RUNX1: variants seen among roughly 807,000 people sequenced by gnomAD.
The protein encoded by RUNX1 is runt-related transcription factor 1.
In RUNX1, 19 loss-of-function variants were observed where a neutral mutation model predicts 42.8. The ratio of observed to expected loss-of-function variants is 0.44; its 90% confidence interval spans 0.31 to 0.65. The LOEUF is 0.65. Among genes scored for constraint, RUNX1 ranks in the 30% least tolerant of loss-of-function variants. RUNX1 has a pLI of 0.07. For synonymous variants in RUNX1, 271 were observed against 289.4 expected, an observed-to-expected ratio of 0.94 and a Z score of 0.64; for missense variants, 528 against 672.0, an observed-to-expected ratio of 0.79 and a Z score of 2.37.
intron 7 of RUNX1, among the ~76,000 whole-genome samples, chr21:34,809,131 C>T (rs2056723862): frequency 6.6e-6 from 1 of 152,124 alleles, no homozygotes; most frequent in African/African-American, 2.4e-5. Flanking sequence ...CTTTCCAGGC[C>T]TGAAGGAGCT....
intron 5 of RUNX1, among the ~76,000 whole-genome samples, chr21:34,870,773 C>T (rs2057725284): frequency 6.6e-6 from 1 of 151,938 alleles, no homozygotes; most frequent in Admixed American, 6.6e-5. Context: ...TCCTGGCCAG[C>T]GTGATGAAAC....
At position 34,965,005 on chromosome 21, in the gene RUNX1, T is replaced by G. The variant is rs924717493; in HGVS notation, c.59-72042A>C. On this transcript the variant is annotated intron_variant, in intron 2 of 8. Coordinates refer to ENST00000675419, the MANE Select transcript of RUNX1 (RefSeq NM_001754.5). Reference sequence around the variant, plus strand: ...CCACACACAAGCACACTCACATACGTGCACACACCAATGTAGGCAGGGATG... The same window carrying G: ...CCACACACAAGCACACTCACATACGGGCACACACCAATGTAGGCAGGGATG... Among the ~76,000 whole-genome samples the G allele has an allele frequency of 3.3e-5, 5 of 152,014 alleles. 1 individual carries two copies. The South Asian group carries it at 1.0e-3, about 32-fold the overall frequency.
At chr21:35,020,816 T>C (rs986801488) in intron 2 of RUNX1, among the ~76,000 whole-genome samples, 7 of 152,230 alleles carry the variant, frequency 4.6e-5, no homozygotes, top group Non-Finnish European at 1.5e-5. Context: ...CTTTAAATAG[T>C]GTCTCATTTA....
At chr21:34,960,236 A>T (rs1267780409) in intron 2 of RUNX1, among the ~76,000 whole-genome samples, 3 of 152,102 alleles carry the variant, frequency 2.0e-5, no homozygotes, top group Non-Finnish European at 4.4e-5. Context: ...TGACTACAGA[A>T]ATGTCCTGGG....
intron 2 of RUNX1, among the ~76,000 whole-genome samples, chr21:35,037,844 A>G (rs1464796269): frequency 1.3e-5 from 2 of 152,206 alleles, no homozygotes; most frequent in Non-Finnish European, 2.9e-5. Flanking sequence ...TATCGGTTTT[A>G]AAGTTCATAA....
intron 2 of RUNX1, among the ~76,000 whole-genome samples, chr21:34,930,287 T>TATATATATATATATATATAA (rs1555906440): frequency 7.0e-6 from 1 of 142,960 alleles, no homozygotes; most frequent in African/African-American, 2.7e-5. Flanking sequence ...TATATATATA[T>TATATATATATATATATATAA]ATATAAATAA....
chr21:34,834,138 C>T, intron 7 of RUNX1: 1 of 674,350 alleles, frequency 1.5e-6, no homozygotes, highest in Non-Finnish European at 2.7e-6. Flanking sequence ...TATGGATATC[C>T]ATACCCAGAG....
chr21:35,010,633 A>G lies in RUNX1; in HGVS notation c.58+38209T>C, dbSNP rs1022028465. Among the ~76,000 whole-genome samples the G allele has an allele frequency of 4.1e-3, 619 of 149,798 alleles. 3 individuals carry two copies. The highest frequency in any genetic ancestry group is 0.014 in the African/African-American group (593 of 41,026). ...CGTGAGTACACACACACGCACACAC[A>G]CACACACACACACACACACTCATTC... On this transcript the variant is annotated intron_variant, in intron 2 of 8. Transcript: ENST00000675419.
chr21:34,842,449 C>T lies in RUNX1; in HGVS notation c.614-7848G>A, dbSNP rs575147917. 2.2e-5 allele frequency among the ~76,000 whole-genome samples: 3 copies of T among 136,414 alleles called. No individual in the cohort carries two copies. In the South Asian group the frequency reaches 7.5e-4, roughly 34 times the overall value. 89.5% of individuals were successfully genotyped at this position (136,414 alleles called of 152,430 possible). A position where few individuals can be genotyped will look rare whatever the true frequency, so the allele number is the denominator to read the frequency against. On this transcript the variant is annotated intron_variant, in intron 6 of 8. Transcript: ENST00000675419. Reference sequence around the variant, plus strand: ...GGTAGAGGCTGTAGTAAGCCAAGATCGCTCCACTGCACTCCAGACTGGGTG... The same window carrying T: ...GGTAGAGGCTGTAGTAAGCCAAGATTGCTCCACTGCACTCCAGACTGGGTG...
At chr21:34,978,230 G>A (rs1001422106) in intron 2 of RUNX1, among the ~76,000 whole-genome samples, 1 of 152,128 alleles carries the variant, frequency 6.6e-6, no homozygotes, top group Non-Finnish European at 1.5e-5. Flanking sequence ...GAGCCACCGC[G>A]CCCCGCCCAT....
intron 2 of RUNX1, among the ~76,000 whole-genome samples, chr21:34,937,365 A>G: frequency 6.7e-6 from 1 of 148,648 alleles, no homozygotes; most frequent in East Asian, 2.0e-4. Context: ...GTTGAGCTGG[A>G]ACTCCTCCAG....
intron 2 of RUNX1, among the ~76,000 whole-genome samples, chr21:34,982,370 C>A (rs2058852730): frequency 6.8e-6 from 1 of 147,788 alleles, no homozygotes; most frequent in South Asian, 2.2e-4. Flanking sequence ...CAGGGTTAGT[C>A]CAAGGCTCAA....
chr21:35,044,182 C>T (rs2059380641), intron 2 of RUNX1, among the ~76,000 whole-genome samples: 1 of 152,194 alleles, frequency 6.6e-6, no homozygotes, highest in African/African-American at 2.4e-5. Context: ...GCTGTCCATG[C>T]CCATGTGGGA....
At chr21:35,032,033 C>T (rs888088552) in intron 2 of RUNX1, among the ~76,000 whole-genome samples, 1 of 152,172 alleles carries the variant, frequency 6.6e-6, no homozygotes, top group African/African-American at 2.4e-5. Context: ...GCAGGCCAAG[C>T]CTGGCTGAGA....
chr21:35,046,522 C>T lies in RUNX1; in HGVS notation c.58+2320G>A, dbSNP rs868416378. The stretch of plus-strand genomic sequence containing the variant: ...ACCGCATTGACCACTGCGAGTGGCC[C>T]AGCTATGGCAACAGGCTGAGAACTC... On this transcript the variant is annotated intron_variant, in intron 2 of 8. Coordinates refer to ENST00000675419, the MANE Select transcript of RUNX1 (RefSeq NM_001754.5). Among the ~76,000 whole-genome samples, 4 of 152,274 alleles carry T rather than the reference C, an allele frequency of 2.6e-5. No homozygotes were observed. In the South Asian group the frequency reaches 6.2e-4, roughly 24 times the overall value.
intron 7 of RUNX1, among the ~76,000 whole-genome samples, chr21:34,830,303 C>A (rs561442792): frequency 3.9e-4 from 60 of 152,208 alleles, no homozygotes; most frequent in African/African-American, 1.4e-3. Context: ...TGCTCATATA[C>A]CCCCTCTTTC....
At chr21:34,990,249 C>A (rs2242876) in intron 2 of RUNX1, among the ~76,000 whole-genome samples, 1,685 of 152,252 alleles carry the variant, frequency 0.011, 25 homozygotes, top group African/African-American at 0.037. Flanking sequence ...TAGGAAGATT[C>A]TTTTTAAAAC....
chr21:34,853,239 T>C (rs532742995), intron 6 of RUNX1, among the ~76,000 whole-genome samples: 6 of 152,152 alleles, frequency 3.9e-5, no homozygotes, highest in Admixed American at 2.0e-4. Context: ...GGCTGTGTAT[T>C]ATGAACTCTG....
At chr21:35,032,654 C>T (rs930772981) in intron 2 of RUNX1, among the ~76,000 whole-genome samples, 2 of 152,216 alleles carry the variant, frequency 1.3e-5, no homozygotes, top group African/African-American at 4.8e-5. Flanking sequence ...TCTCCTTGCA[C>T]ACTTGTCCAG....
Sources: allele counts gnomAD v4.1 joint callset (sites outside exome capture counted in the v4.1 genomes callset), GRCh38; gene constraint gnomAD v4.1.1; transcripts MANE v1.5; gene names NCBI Gene and HGNC (gene_info 2026-07-23, HGNC 2026-07-21).